DLG2: variants seen among roughly 807,000 people sequenced by gnomAD.
DLG2 encodes discs large MAGUK scaffold protein 2, also known as disks large homolog 2.
In DLG2, 45 loss-of-function variants were observed where a neutral mutation model predicts 132.5. The ratio of observed to expected loss-of-function variants is 0.34; its 90% CI spans 0.27 to 0.44. The LOEUF (loss-of-function observed/expected upper bound fraction) is 0.44. DLG2 is among the 20% of genes least tolerant of loss of function. The pLI, the probability that DLG2 is intolerant of heterozygous loss-of-function variation, is 1.00. For missense variants in DLG2, 1,045 were observed against 1,196.9 expected (o/e 0.87, Z 1.87); for synonymous variants, 424 against 419.6 (o/e 1.01, Z -0.13).
intron 6 of DLG2, among the ~76,000 whole-genome samples, chr11:85,013,238 GTA>G (rs1271124135): frequency 6.6e-6 from 1 of 152,114 alleles, no homozygotes; most frequent in East Asian, 1.9e-4. Flanking sequence ...AATTAATAGA[GTA>G]TGGCAGAAGT....
At chr11:83,792,330 A>C (rs2030022776) in intron 17 of DLG2, among the ~76,000 whole-genome samples, 1 of 152,226 alleles carries the variant, frequency 6.6e-6, no homozygotes, top group South Asian at 2.1e-4. Flanking sequence ...TATAGGAACT[A>C]ATAAATAAGA....
intron 6 of DLG2, among the ~76,000 whole-genome samples, chr11:84,995,313 T>G (rs2057525696): frequency 2.6e-5 from 4 of 152,200 alleles, no homozygotes; most frequent in Admixed American, 2.6e-4. Flanking sequence ...AGTTGTATGT[T>G]AGAATCCCAG....
chr11:84,277,137 G>C (rs1032385933), intron 7 of DLG2, among the ~76,000 whole-genome samples: 1 of 152,164 alleles, frequency 6.6e-6, no homozygotes, highest in Non-Finnish European at 1.5e-5. Flanking sequence ...AATTATAATT[G>C]AAGATATCAA....
chr11:84,002,662 A>G (rs1312632254), intron 11 of DLG2, among the ~76,000 whole-genome samples: 2 of 152,110 alleles, frequency 1.3e-5, no homozygotes, highest in African/African-American at 4.8e-5. Context: ...GATTTCATAA[A>G]GCAGCAAGGC....
chr11:85,301,559 AGGG>A (rs2079587238), intron 3 of DLG2, among the ~76,000 whole-genome samples: 1 of 152,132 alleles, frequency 6.6e-6, no homozygotes, highest in South Asian at 2.1e-4. Context: ...TAGAACTGTG[AGGG>A]GGCTGAAAAT....
At chr11:83,804,654 T>C (rs953170418) in intron 17 of DLG2, among the ~76,000 whole-genome samples, 2 of 150,670 alleles carry the variant, frequency 1.3e-5, no homozygotes, top group African/African-American at 4.9e-5. Flanking sequence ...GCAGACGTCA[T>C]TCCACTTTCA....
Position 84,258,389 on chromosome 11 carries a change from A to G in DLG2, c.520-7098T>C, listed in dbSNP as rs368633732. Among the ~76,000 whole-genome samples, 58 of 152,348 alleles carry G rather than the reference A, an allele frequency of 3.8e-4. 1 individual carries two copies. In the East Asian group the frequency reaches 0.01, roughly 26 times the overall value. On this transcript the variant is annotated intron_variant, in intron 7 of 27. Transcript: ENST00000376104. ...AAATATGAAAATGAATACAAAGAAT[A>G]TGACATAACCCAGATCTCACAATTA...
At chr11:84,716,940 G>C (rs2061307997) in intron 6 of DLG2, among the ~76,000 whole-genome samples, 1 of 151,940 alleles carries the variant, frequency 6.6e-6, no homozygotes, top group African/African-American at 2.4e-5. Context: ...GCCTAGCATG[G>C]AAAGACACTC....
intron 3 of DLG2, among the ~76,000 whole-genome samples, chr11:85,496,628 C>G (rs1420311564): frequency 6.6e-6 from 1 of 152,196 alleles, no homozygotes; most frequent in African/African-American, 2.4e-5. Flanking sequence ...AAGTGGGTCC[C>G]TGATCCCCAT....
intron 16 of DLG2, among the ~76,000 whole-genome samples, chr11:83,833,989 C>G (rs1458327724): frequency 6.6e-6 from 1 of 152,200 alleles, no homozygotes; most frequent in Non-Finnish European, 1.5e-5. Context: ...AAAAATCATT[C>G]CTTCATTCTA....
chr11:83,698,473 T>C (rs2082300335), intron 18 of DLG2, among the ~76,000 whole-genome samples: 1 of 152,226 alleles, frequency 6.6e-6, no homozygotes, highest in Non-Finnish European at 1.5e-5. Flanking sequence ...TACTTCCATG[T>C]GACATTTGGT....
chr11:85,537,313 A>G (rs565397161), intron 3 of DLG2, among the ~76,000 whole-genome samples: 1 of 152,224 alleles, frequency 6.6e-6, no homozygotes, highest in Non-Finnish European at 1.5e-5. Context: ...CAGCAGGGGC[A>G]ACTGGCTCAG....
Position 83,772,398 on chromosome 11 carries a change from A to G in DLG2, c.1825+14292T>C, listed in dbSNP as rs539271698. Among the ~76,000 whole-genome samples the G allele has an allele frequency of 4.1e-5, 6 of 147,064 alleles. 2 individuals are homozygous for G. The highest frequency in any genetic ancestry group is 1.5e-4 in the African/African-American group (6 of 40,462). Reference sequence around the variant, plus strand: ...GCACTCCAGCCTGGGTGAGAGAGCAAGACCCTGTCTCAATAAAAAAGAAAA... The same window carrying G: ...GCACTCCAGCCTGGGTGAGAGAGCAGGACCCTGTCTCAATAAAAAAGAAAA... On this transcript the variant is annotated intron_variant, in intron 18 of 27. Transcript: ENST00000376104.
intron 9 of DLG2, among the ~76,000 whole-genome samples, chr11:84,134,219 G>C (rs2154220328): frequency 6.6e-6 from 1 of 150,618 alleles, no homozygotes; most frequent in African/African-American, 2.4e-5. Flanking sequence ...GTAACATCTA[G>C]GGAGAGCTTC....
chr11:84,544,748 C>A (rs939604012), intron 6 of DLG2, among the ~76,000 whole-genome samples: 3 of 152,128 alleles, frequency 2.0e-5, no homozygotes, highest in African/African-American at 7.2e-5. Flanking sequence ...GTACTCCTGG[C>A]ATACAGTGGC....
chr11:84,714,297 G>A (rs1478180298), intron 6 of DLG2, among the ~76,000 whole-genome samples: 2 of 152,034 alleles, frequency 1.3e-5, no homozygotes, highest in African/African-American at 4.8e-5. Context: ...TGGCTCCTCT[G>A]CTACCACTAA....
chr11:85,522,132 C>T (rs2074363594), intron 3 of DLG2, among the ~76,000 whole-genome samples: 1 of 152,148 alleles, frequency 6.6e-6, no homozygotes, highest in African/African-American at 2.4e-5. Flanking sequence ...GTCCAGGGCC[C>T]TCTTGCTGTA....
At chr11:84,613,555 T>C (rs1253431144) in intron 6 of DLG2, among the ~76,000 whole-genome samples, 1 of 152,138 alleles carries the variant, frequency 6.6e-6, no homozygotes, top group African/African-American at 2.4e-5. Context: ...AAAACACAGG[T>C]AACAGTTATC....
intron 3 of DLG2, among the ~76,000 whole-genome samples, chr11:85,295,740 G>A (rs1162713187): frequency 6.6e-6 from 1 of 152,108 alleles, no homozygotes; most frequent in African/African-American, 2.4e-5. Context: ...CAGATGGAAA[G>A]AAAATCAAAC....
Sources: allele counts gnomAD v4.1 joint callset (sites outside exome capture counted in the v4.1 genomes callset), GRCh38; gene constraint gnomAD v4.1.1; transcripts MANE v1.5; gene names NCBI Gene and HGNC (gene_info 2026-07-23, HGNC 2026-07-21).